Variants in HDAC8 observed in about 807,000 individuals in gnomAD.
HDAC8 encodes histone deacetylase 8.
Under a neutral mutation model 32.2 loss-of-function variants are expected in HDAC8, and 1 was observed. The observed-to-expected ratio is 0.03, with a 90% CI of 0.01 to 0.15. The LOEUF (loss-of-function observed/expected upper bound fraction) is 0.15. Ranked by LOEUF, HDAC8 falls within the 10% of genes least tolerant of loss-of-function variation. The pLI, the probability that HDAC8 is intolerant of heterozygous loss-of-function variation, is 1.00. For synonymous variants in HDAC8, 108 were observed against 113.9 expected (o/e 0.95, Z 0.33); for missense variants, 117 against 300.0 (o/e 0.39, Z 4.51).
intron 4 of HDAC8, among the ~76,000 whole-genome samples, chrX:72,550,991 A>G (rs2051049303): frequency 9.1e-6 from 1 of 110,223 alleles, no homozygotes; most frequent in Admixed American, 9.7e-5. Context: ...ATGGATCGTC[A>G]GGTATATCAG....
intron 9 of HDAC8, among the ~76,000 whole-genome samples, chrX:72,385,093 A>G (rs1009761237): frequency 1.8e-5 from 2 of 111,674 alleles, no homozygotes; most frequent in Non-Finnish European, 3.8e-5. Flanking sequence ...CAGTTACTTT[A>G]CATTCTTTTC....
intron 9 of HDAC8, among the ~76,000 whole-genome samples, chrX:72,427,221 AT>A (rs1208210799): frequency 1.8e-5 from 2 of 111,160 alleles, no homozygotes; most frequent in Admixed American, 1.9e-4. Context: ...ATTACATACC[AT>A]TTGACCCAGC....
chrX:72,380,530 T>C (rs1302379181), intron 9 of HDAC8, among the ~76,000 whole-genome samples: 2 of 112,184 alleles, frequency 1.8e-5, no homozygotes, highest in African/African-American at 6.5e-5. Flanking sequence ...TACTTGTTTT[T>C]GTAAGTAAAG....
intron 4 of HDAC8, among the ~76,000 whole-genome samples, chrX:72,562,316 G>T (rs2051595445): frequency 8.9e-6 from 1 of 112,432 alleles, no homozygotes; most frequent in South Asian, 3.7e-4. Context: ...TAAAGAAAAT[G>T]TTTTATATAT....
chrX:72,379,350 T>TTTTC (rs1185481618), intron 9 of HDAC8, among the ~76,000 whole-genome samples: 1 of 111,316 alleles, frequency 9.0e-6, no homozygotes, highest in Non-Finnish European at 1.9e-5. Context: ...TGTATTCACC[T>TTTTC]TTTCTTGTTT....
chrX:72,547,947 C>T (rs1464217548), intron 4 of HDAC8, among the ~76,000 whole-genome samples: 1 of 111,494 alleles, frequency 9.0e-6, no homozygotes, highest in African/African-American at 3.3e-5. Context: ...TCAATACTTG[C>T]TTTTATCTCT....
chrX:72,534,412 G>A (rs782378569), intron 4 of HDAC8, among the ~76,000 whole-genome samples: 5 of 107,482 alleles, frequency 4.7e-5, no homozygotes, highest in East Asian at 2.9e-4. Flanking sequence ...GGGTTCAAGC[G>A]ATTCTTGTGC....
rs782651988 is a variant in HDAC8 at position 72,385,297 on chromosome X, T to C, written c.1006-33459A>G. Among the ~76,000 whole-genome samples the C allele has an allele frequency of 2.7e-5, 3 of 110,423 alleles. No homozygotes were observed. The East Asian group carries it at 8.6e-4, about 32-fold the overall frequency. The stretch of plus-strand genomic sequence containing the variant: ...GGGCACCATAGCAAGATCTTGTCTC[T>C]ACAAAAAAATTAAAAAATTAACCAG... On this transcript the variant is annotated intron_variant, in intron 9 of 10. Transcript: ENST00000373573.
At chrX:72,567,853 G>A (rs782242871) in intron 4 of HDAC8, 36 bp downstream of exon 4, 15 of 1,209,535 alleles carry the variant, frequency 1.2e-5, no homozygotes, top group Non-Finnish European at 1.6e-5. Flanking sequence ...ACTGACTCAA[G>A]GAAAGAGTCA....
chrX:72,570,409 G>A (rs978628560), intron 2 of HDAC8, among the ~76,000 whole-genome samples: 2 of 110,822 alleles, frequency 1.8e-5, no homozygotes, highest in Non-Finnish European at 3.8e-5. Context: ...AACTTTAATG[G>A]AAGGCATATA....
chrX:72,354,246 A>G (rs2044265010), intron 9 of HDAC8, among the ~76,000 whole-genome samples: 1 of 112,059 alleles, frequency 8.9e-6, no homozygotes, highest in African/African-American at 3.2e-5. Context: ...TGGGTTCCTC[A>G]AGTTCTCCCC....
chrX:72,506,073 G>A (rs1394407992), intron 4 of HDAC8, among the ~76,000 whole-genome samples: 1 of 111,633 alleles, frequency 9.0e-6, no homozygotes, highest in African/African-American at 3.3e-5. Flanking sequence ...AGGATCTGAG[G>A]CAGCCCTGCA....
At chrX:72,366,228 G>A (rs1884344776) in intron 9 of HDAC8, among the ~76,000 whole-genome samples, 1 of 111,552 alleles carries the variant, frequency 9.0e-6, no homozygotes, top group African/African-American at 3.3e-5. Context: ...AACCATGGTC[G>A]GCTCCCCACT....
At chrX:72,388,495 G>T (rs1477227798) in intron 9 of HDAC8, among the ~76,000 whole-genome samples, 1 of 108,929 alleles carries the variant, frequency 9.2e-6, no homozygotes, top group Non-Finnish European at 1.9e-5. Context: ...CCTCCAAAAT[G>T]GATCTGGAAT....
chrX:72,557,067 T>G (rs1556096806), intron 4 of HDAC8, among the ~76,000 whole-genome samples: 2 of 110,882 alleles, frequency 1.8e-5, no homozygotes, highest in African/African-American at 3.3e-5. Flanking sequence ...ATACAAAAAA[T>G]TAGCCCGGCA....
intron 7 of HDAC8, among the ~76,000 whole-genome samples, chrX:72,488,690 T>C (rs1180378093): frequency 1.8e-5 from 2 of 111,577 alleles, no homozygotes; most frequent in African/African-American, 6.5e-5. Flanking sequence ...AGCTCTGCTC[T>C]TGGGATGGGC....
intron 5 of HDAC8, 106 bp from the exon 6 acceptor site, chrX:72,491,112 G>T: frequency 1.9e-6 from 1 of 513,682 alleles, no homozygotes; most frequent in Admixed American, 2.9e-5. Context: ...AGATGAGAAG[G>T]CAGCAATATA....
intron 10 of HDAC8, among the ~76,000 whole-genome samples, chrX:72,341,255 T>G (rs145428228): frequency 7.5e-4 from 84 of 111,970 alleles, no homozygotes; most frequent in Non-Finnish European, 1.3e-3. Flanking sequence ...CCTTCCTGGT[T>G]TTAGATTAGA....
Position 72,495,206 on chromosome X carries a change from C to T in HDAC8, c.500G>A (p.Arg167Gln), listed in dbSNP as rs1308079591. The change falls in exon 5 of 11, where the codon CGG becomes CAG. Residue 167 changes from arginine (R) to glutamine (Q), a missense_variant. This residue lies in a region of HDAC8 where 57 missense variants were observed against 182.0 expected (regional missense o/e 0.31). Transcript: ENST00000373573. ...CACGTAGAGAATACGCTCAAATTTCCGTCGCAATCGTAATATTCCCAGGAC... is the reference window on the plus strand; with the variant it reads ...CACGTAGAGAATACGCTCAAATTTCTGTCGCAATCGTAATATTCCCAGGAC... ...DAVLGILRLR[R>Q]KFERILYVDL... The T allele has an allele frequency of 7.5e-6, 9 of 1,206,743 alleles. No individual in the cohort carries two copies. The highest frequency in any genetic ancestry group is 1.0e-5 in the Non-Finnish European group (9 of 892,947).
Sources: gnomAD v4.1 joint callset for allele counts (sites outside exome capture counted in the v4.1 genomes callset) on GRCh38, gnomAD v4.1.1 for gene constraint, gnomAD v4.1.1 regional missense constraint, MANE v1.5 for transcripts, NCBI Gene and HGNC (gene_info 2026-07-23, HGNC 2026-07-21) for gene names.